The following ACER3 variants were observed in gnomAD, a reference collection of about 807,000 sequenced individuals.
ACER3 encodes alkaline ceramidase 3.
ACER3 carries 16 observed loss-of-function variants against 48.9 expected under a neutral mutation model. The ratio of observed to expected loss-of-function variants is 0.33; its 90% confidence interval spans 0.22 to 0.50. The LOEUF (loss-of-function observed/expected upper bound fraction) is 0.50. Among genes scored for constraint, ACER3 ranks in the 20% least tolerant of loss-of-function variants. The pLI, the probability that ACER3 is intolerant of heterozygous loss-of-function variation, is 0.98. For missense variants in ACER3, 227 were observed against 326.0 expected (o/e 0.70, Z 2.34); for synonymous variants, 109 against 107.8 (o/e 1.01, Z -0.07).
At chr11:76,874,754 G>C (rs1367475056) in intron 1 of ACER3, among the ~76,000 whole-genome samples, 1 of 152,178 alleles carries the variant, frequency 6.6e-6, no homozygotes, top group Non-Finnish European at 1.5e-5. Context: ...GGCAGTTAAA[G>C]CTTTATTTTG....
intron 3 of ACER3, among the ~76,000 whole-genome samples, chr11:76,960,879 C>T (rs144110236): frequency 1.9e-4 from 29 of 152,134 alleles, no homozygotes; most frequent in African/African-American, 6.5e-4. Context: ...ATTTGACATG[C>T]GGTTGGAATC....
At chr11:76,998,931 T>C in intron 7 of ACER3, 110 bp downstream of exon 7, 2 of 793,402 alleles carry the variant, frequency 2.5e-6, no homozygotes, top group Non-Finnish European at 3.7e-6. Context: ...AGTAGAGATG[T>C]TGGAAGAAAA....
chr11:76,971,508 C>T (rs1439734323), intron 3 of ACER3, among the ~76,000 whole-genome samples: 1 of 151,746 alleles, frequency 6.6e-6, no homozygotes, highest in Non-Finnish European at 1.5e-5. Flanking sequence ...CCACTGCACT[C>T]CTCCTGGTGA....
At chr11:76,930,742 T>C (rs559116486) in intron 2 of ACER3, among the ~76,000 whole-genome samples, 46 of 152,100 alleles carry the variant, frequency 3.0e-4, no homozygotes, top group East Asian at 9.6e-4. Context: ...CATTCAGGAG[T>C]AGGTTGTTCA....
At chr11:76,950,381 AT>A (rs1947621277) in intron 2 of ACER3, among the ~76,000 whole-genome samples, 1 of 27,882 alleles carries the variant, frequency 3.6e-5, no homozygotes, top group African/African-American at 1.2e-4. Flanking sequence ...ATATATATAT[AT>A]ATATATATAT....
intron 7 of ACER3, among the ~76,000 whole-genome samples, chr11:77,009,969 C>T (rs1367381983): frequency 6.6e-6 from 1 of 152,088 alleles, no homozygotes; most frequent in African/African-American, 2.4e-5. Flanking sequence ...TCACCATACA[C>T]ACACATATAC....
At chr11:76,962,005 AAACT>A (rs1483371676) in intron 3 of ACER3, among the ~76,000 whole-genome samples, 1 of 150,348 alleles carries the variant, frequency 6.7e-6, no homozygotes, top group Non-Finnish European at 1.5e-5. Context: ...GTTAATGGAA[AAACT>A]AAACCCTGTC....
At chr11:76,976,664 G>A (rs145370204) in intron 4 of ACER3, among the ~76,000 whole-genome samples, 224 of 152,278 alleles carry the variant, frequency 1.5e-3, no homozygotes, top group African/African-American at 5.2e-3. Flanking sequence ...TTCAGATACA[G>A]TTTCTGTATT....
intron 7 of ACER3, among the ~76,000 whole-genome samples, chr11:77,008,649 T>C (rs554349065): frequency 5.3e-5 from 8 of 152,354 alleles, no homozygotes; most frequent in African/African-American, 1.9e-4. Context: ...CTTAAAACTT[T>C]TGTTACTTTT....
chr11:76,874,644 T>C (rs1453994506), intron 1 of ACER3, among the ~76,000 whole-genome samples: 1 of 152,202 alleles, frequency 6.6e-6, no homozygotes, highest in Non-Finnish European at 1.5e-5. Context: ...TTAAAAGGCA[T>C]TAAGTGCAAA....
At chr11:76,892,411 G>T (rs1027356209) in intron 1 of ACER3, among the ~76,000 whole-genome samples, 10 of 152,098 alleles carry the variant, frequency 6.6e-5, no homozygotes, top group African/African-American at 2.2e-4. Context: ...TAATAGGAAA[G>T]ACCATGCAAA....
At chr11:77,014,550 C>T (rs1328977405) in intron 7 of ACER3, among the ~76,000 whole-genome samples, 1 of 152,196 alleles carries the variant, frequency 6.6e-6, no homozygotes, top group Non-Finnish European at 1.5e-5. Flanking sequence ...GCATATGACT[C>T]AACCTACATT....
chr11:76,884,772 AT>A (rs925139435), intron 1 of ACER3, among the ~76,000 whole-genome samples: 2 of 150,272 alleles, frequency 1.3e-5, no homozygotes, highest in African/African-American at 4.9e-5. Flanking sequence ...TTCTTTTTTA[AT>A]TTTTTTTTGA....
chr11:76,980,248 CT>C (rs1219167235), intron 4 of ACER3, among the ~76,000 whole-genome samples: 1 of 152,170 alleles, frequency 6.6e-6, no homozygotes, highest in Non-Finnish European at 1.5e-5. Context: ...AGGTAAACTC[CT>C]TTTAATAACA....
At chr11:76,887,485 A>T (rs1356252502) in intron 1 of ACER3, among the ~76,000 whole-genome samples, 1 of 152,174 alleles carries the variant, frequency 6.6e-6, no homozygotes, top group Non-Finnish European at 1.5e-5. Flanking sequence ...CATAATTGGT[A>T]GCTATCATTT....
intron 1 of ACER3, among the ~76,000 whole-genome samples, chr11:76,894,981 A>T (rs1257442456): frequency 6.6e-6 from 1 of 152,166 alleles, no homozygotes; most frequent in Non-Finnish European, 1.5e-5. Flanking sequence ...CCAATGAGGT[A>T]TTTTATGTTG....
chr11:77,022,625 A>G lies in ACER3; in HGVS notation c.*2298A>G, dbSNP rs970661327. Reference sequence around the variant, plus strand: ...ATTTCAATAGCTTTATTTTTTTCCTACTTGGATTCTAGGTGGACATTACAG... The same window carrying G: ...ATTTCAATAGCTTTATTTTTTTCCTGCTTGGATTCTAGGTGGACATTACAG... On this transcript the variant is annotated 3_prime_UTR_variant, in exon 11 of 11. Transcript: ENST00000532485. The G allele has an allele frequency of 2.6e-5, 4 of 152,422 alleles. No individual in the cohort carries two copies. In the East Asian group the frequency reaches 7.7e-4, roughly 29 times the overall value. 9.4% of individuals were successfully genotyped at this position (152,422 alleles called of 1,614,324 possible). A position where few individuals can be genotyped will look rare whatever the true frequency, so the allele number is the denominator to read the frequency against.
intron 2 of ACER3, among the ~76,000 whole-genome samples, chr11:76,932,300 T>C (rs1371436996): frequency 3.9e-5 from 6 of 152,180 alleles, no homozygotes; most frequent in African/African-American, 1.4e-4. Context: ...TTTTAGCTCA[T>C]GGTGAGTATT....
intron 1 of ACER3, among the ~76,000 whole-genome samples, chr11:76,877,979 G>A (rs928824160): frequency 2.6e-5 from 4 of 151,446 alleles, no homozygotes; most frequent in Non-Finnish European, 5.9e-5. Context: ...TCATGCTCCT[G>A]AGAATTGACT....
Sources: gnomAD v4.1 joint callset for allele counts (sites outside exome capture counted in the v4.1 genomes callset) on GRCh38, gnomAD v4.1.1 for gene constraint, MANE v1.5 for transcripts, NCBI Gene and HGNC (gene_info 2026-07-23, HGNC 2026-07-21) for gene names.